Variants in ASTN2 observed in about 807,000 individuals in gnomAD.
ASTN2 encodes the protein astrotactin-2.
ASTN2 carries 54 observed loss-of-function variants against 139.8 expected under a neutral mutation model. That is an observed-to-expected ratio of 0.39 (90% CI 0.31 to 0.48). The LOEUF (loss-of-function observed/expected upper bound fraction) is 0.48. Among genes scored for constraint, ASTN2 ranks in the 20% least tolerant of loss-of-function variants. The probability of loss-of-function intolerance (pLI) is 0.95; values close to 1 mark genes in which losing one functional copy is unlikely to be tolerated. For missense variants in ASTN2, 1,565 were observed against 1,725.1 expected (o/e 0.91, Z 1.64); for synonymous variants, 756 against 719.5 (o/e 1.05, Z -0.81).
At position 116,925,509 on chromosome 9, in the gene ASTN2, G is replaced by C. The variant is rs141940689; in HGVS notation, c.1889+49699C>G. Among the ~76,000 whole-genome samples the C allele has an allele frequency of 2.6e-4, 40 of 152,286 alleles. 1 individual carries two copies. The highest frequency in any genetic ancestry group is 8.7e-4 in the African/African-American group (36 of 41,564). ...CCTTTTCCAGTGCCTGGAAGGACAT[G>C]CAGATGTATGTGTGTACACACATAC... On this transcript the variant is annotated intron_variant, in intron 10 of 22. Transcript: ENST00000313400.
intron 13 of ASTN2, among the ~76,000 whole-genome samples, chr9:116,747,135 C>T (rs181071232): frequency 3.9e-5 from 6 of 152,300 alleles, no homozygotes; most frequent in Admixed American, 1.3e-4. Flanking sequence ...TCATCGTTTA[C>T]GACGTGCTAG....
chr9:116,983,888 G>T (rs1201326719), intron 7 of ASTN2, among the ~76,000 whole-genome samples: 3 of 152,182 alleles, frequency 2.0e-5, no homozygotes, highest in Non-Finnish European at 4.4e-5. Context: ...TTAGAGCCAA[G>T]GGCAGCTGAG....
chr9:116,729,030 AG>A lies in ASTN2; in HGVS notation c.2587del (p.Leu863SerfsTer4). ...MVQQWRVRSN[L>X]YRVKLSTITL... Reference sequence around the variant, plus strand: ...GATGGTGCTGAGCTTCACACGGTAGAGGTTGCTCCGGACCCGCCACTGCTGC... The same window carrying A: ...GATGGTGCTGAGCTTCACACGGTAGAGTTGCTCCGGACCCGCCACTGCTGC... On this transcript the variant is annotated frameshift_variant, in exon 15 of 23. Coordinates refer to ENST00000313400, the MANE Select transcript of ASTN2 (RefSeq NM_001365068.1). LOFTEE classifies it high-confidence loss of function. 1 of 1,583,216 alleles carries A rather than the reference AG, an allele frequency of 6.3e-7. No homozygotes were observed. Among genetic ancestry groups the A allele is most frequent in the Non-Finnish European group, 8.6e-7 (1 of 1,163,582 alleles).
intron 19 of ASTN2, among the ~76,000 whole-genome samples, chr9:116,490,787 G>C (rs968415634): frequency 6.6e-6 from 1 of 152,014 alleles, no homozygotes; most frequent in African/African-American, 2.4e-5. Flanking sequence ...CAACTCCCTC[G>C]AGGTCCCTCC....
At chr9:117,061,416 T>A (rs934540836) in intron 5 of ASTN2, among the ~76,000 whole-genome samples, 7 of 152,192 alleles carry the variant, frequency 4.6e-5, no homozygotes, top group Non-Finnish European at 8.8e-5. Flanking sequence ...CCATTTTTTT[T>A]AATGGAAAGA....
rs151303243 is a variant in ASTN2, at chr9:116,753,966, C to A, written c.2397-20443G>T. ...CCCGAGCCCCACACCTTGCAACAGG[C>A]CCTGCTGTGTGATGCCCGCTGCCCC... On this transcript the variant is annotated intron_variant, in intron 13 of 22. Transcript: ENST00000313400. Among the ~76,000 whole-genome samples the A allele has an allele frequency of 2.0e-4, 31 of 151,988 alleles. No individual in the cohort carries two copies. The East Asian group carries it at 5.8e-3, about 29-fold the overall frequency.
intron 19 of ASTN2, among the ~76,000 whole-genome samples, chr9:116,498,654 A>AT (rs1849752504): frequency 6.6e-6 from 1 of 152,180 alleles, no homozygotes; most frequent in Admixed American, 6.5e-5. Context: ...AGAAGAGTAC[A>AT]TTAAATCCAT....
chr9:116,778,501 G>C (rs1830139813), intron 13 of ASTN2, among the ~76,000 whole-genome samples: 1 of 152,046 alleles, frequency 6.6e-6, no homozygotes, highest in Non-Finnish European at 1.5e-5. Context: ...GAAAATACTT[G>C]GGGGCTTCTC....
intron 4 of ASTN2, among the ~76,000 whole-genome samples, chr9:117,119,081 T>C (rs1033046466): frequency 6.6e-6 from 1 of 152,148 alleles, no homozygotes; most frequent in African/African-American, 2.4e-5. Context: ...TGCCCAGCAT[T>C]GGGTAGGCAT....
In ASTN2 at chr9:117,093,447, T is replaced by TG. The variant is rs555532101; in HGVS notation, c.1276+2596dup. Among the ~76,000 whole-genome samples the TG allele has an allele frequency of 2.0e-4, 31 of 152,184 alleles. 1 individual carries two copies. The South Asian group carries it at 5.4e-3, about 26-fold the overall frequency. On this transcript the variant is annotated intron_variant, in intron 5 of 22. Transcript: ENST00000313400. ...TGATTAATATGACATTGCCAGTAAG[T>TG]GGGGGGGCTGGGATTTGAACCCACG...
chr9:116,795,580 G>C (rs1830668604), intron 13 of ASTN2, among the ~76,000 whole-genome samples: 1 of 152,242 alleles, frequency 6.6e-6, no homozygotes. Context: ...GAAGGGCTGA[G>C]CTTCTGCCCC....
intron 19 of ASTN2, among the ~76,000 whole-genome samples, chr9:116,614,190 G>T (rs1277082255): frequency 6.6e-6 from 1 of 152,124 alleles, no homozygotes; most frequent in African/African-American, 2.4e-5. Flanking sequence ...TCTTCACGAA[G>T]AACTACAAAC....
chr9:117,251,350 C>T (rs1833533825), intron 2 of ASTN2, among the ~76,000 whole-genome samples: 1 of 151,666 alleles, frequency 6.6e-6, no homozygotes, highest in Non-Finnish European at 1.5e-5. Flanking sequence ...ACCTGTCATT[C>T]TCTATCCCAT....
At chr9:116,779,701 A>C (rs1006677519) in intron 13 of ASTN2, among the ~76,000 whole-genome samples, 1 of 151,862 alleles carries the variant, frequency 6.6e-6, no homozygotes, top group African/African-American at 2.4e-5. Flanking sequence ...TTTTCTGTTC[A>C]TTTTCTCAGA....
intron 3 of ASTN2, among the ~76,000 whole-genome samples, chr9:117,185,995 C>T (rs1831187389): frequency 6.6e-6 from 1 of 152,056 alleles, no homozygotes; most frequent in Non-Finnish European, 1.5e-5. Flanking sequence ...GTACGGGAAG[C>T]AGAGTTATTG....
chr9:117,026,790 A>G lies in ASTN2; in HGVS notation c.1423+13029T>C, dbSNP rs540723514. Among the ~76,000 whole-genome samples the G allele has an allele frequency of 2.0e-5, 3 of 152,284 alleles. No individual in the cohort carries two copies. In the East Asian group the frequency reaches 5.8e-4, roughly 29 times the overall value. On this transcript the variant is annotated intron_variant, in intron 6 of 22. Transcript: ENST00000313400. The stretch of plus-strand genomic sequence containing the variant: ...AACAAGACAGCTACACTCTCTGCCA[A>G]TAAGGGCCTTAAAGTAGCTTTGGAA...
At position 117,224,917 on chromosome 9, in the gene ASTN2, T is replaced by C. The variant is rs527513015; in HGVS notation, c.631-10175A>G. On this transcript the variant is annotated intron_variant, in intron 2 of 22. Coordinates refer to ENST00000313400, the MANE Select transcript of ASTN2 (RefSeq NM_001365068.1). ...TTTGTCTGCCAGAGCATGCCGCAGA[T>C]TGCATCATAGTTTGACCCCCTCCCA... 5.9e-5 allele frequency among the ~76,000 whole-genome samples: 9 copies of C among 152,290 alleles called. No individual in the cohort carries two copies. The South Asian group carries it at 1.7e-3, about 28-fold the overall frequency.
At chr9:116,740,613 C>T (rs561021649) in intron 13 of ASTN2, among the ~76,000 whole-genome samples, 21 of 151,902 alleles carry the variant, frequency 1.4e-4, no homozygotes, top group South Asian at 4.2e-4. Context: ...CCCGGGTTCA[C>T]GCCATTCTCC....
intron 1 of ASTN2, among the ~76,000 whole-genome samples, chr9:117,311,932 C>T (rs558163487): frequency 6.3e-4 from 96 of 152,244 alleles, no homozygotes; most frequent in African/African-American, 2.2e-3. Flanking sequence ...GCCCACCCCC[C>T]ATTATGACCA....
Sources: gnomAD v4.1 joint callset for allele counts (sites outside exome capture counted in the v4.1 genomes callset) on GRCh38, gnomAD v4.1.1 for gene constraint, MANE v1.5 for transcripts, NCBI Gene and HGNC (gene_info 2026-07-23, HGNC 2026-07-21) for gene names.